The following URI1 variants were observed in gnomAD, a reference collection of about 807,000 sequenced individuals.
The protein encoded by URI1 is URI1 prefoldin like chaperone.
In URI1, 39 loss-of-function variants were observed where a neutral mutation model predicts 60.2. The ratio of observed to expected loss-of-function variants is 0.65; its 90% confidence interval spans 0.50 to 0.85. The LOEUF is 0.85. Ranked by LOEUF, URI1 falls within the 40% of genes least tolerant of loss-of-function variation. The pLI is 0.00. For synonymous variants in URI1, 251 were observed against 236.8 expected, an observed-to-expected ratio of 1.06 and a Z score of -0.55; for missense variants, 691 against 665.9, an observed-to-expected ratio of 1.04 and a Z score of -0.42.
At chr19:29,980,922 CAAAAAA>C (rs5827686) in intron 2 of URI1, among the ~76,000 whole-genome samples, 1 of 68,596 alleles carries the variant, frequency 1.5e-5, no homozygotes. Context: ...ACTCCATCTC[CAAAAAA>C]AAAAAAAAAA....
At chr19:29,989,298 A>C (rs1258785263) in intron 4 of URI1, among the ~76,000 whole-genome samples, 1 of 151,946 alleles carries the variant, frequency 6.6e-6, no homozygotes, top group African/African-American at 2.4e-5. Context: ...CTTTTAGTAG[A>C]GATGGGGTTT....
At chr19:29,950,774 A>G (rs550390107) in intron 1 of URI1, among the ~76,000 whole-genome samples, 1 of 152,332 alleles carries the variant, frequency 6.6e-6, no homozygotes, top group Non-Finnish European at 1.5e-5. Context: ...CTTTCAATGC[A>G]AGAGCCAATC....
At chr19:29,955,312 G>C (rs1043704411) in intron 1 of URI1, among the ~76,000 whole-genome samples, 7 of 151,998 alleles carry the variant, frequency 4.6e-5, no homozygotes, top group East Asian at 3.9e-4. Flanking sequence ...TGTGTCATCA[G>C]ATATTCAGCT....
At chr19:30,012,817 C>T (rs10401599) in intron 10 of URI1, 2,744 of 251,480 alleles carry the variant, frequency 0.011, 82 homozygotes, top group African/African-American at 0.058. Context: ...GAAATTATTT[C>T]GCAGTTTATT....
intron 1 of URI1, among the ~76,000 whole-genome samples, chr19:29,966,699 G>C (rs1300201301): frequency 6.6e-6 from 1 of 152,142 alleles, no homozygotes; most frequent in African/African-American, 2.4e-5. Flanking sequence ...TGTATGTCCA[G>C]TATCCATTGG....
At chr19:29,998,837 T>C (rs1193727288) in intron 4 of URI1, among the ~76,000 whole-genome samples, 1 of 152,108 alleles carries the variant, frequency 6.6e-6, no homozygotes, top group African/African-American at 2.4e-5. Context: ...GGAAAGACTT[T>C]CGCTGTTTTG....
At chr19:29,964,816 T>G (rs2055371513) in intron 1 of URI1, among the ~76,000 whole-genome samples, 1 of 151,946 alleles carries the variant, frequency 6.6e-6, no homozygotes, top group Admixed American at 6.6e-5. Context: ...TAAGATTGCT[T>G]TAATTTGACT....
intron 1 of URI1, among the ~76,000 whole-genome samples, chr19:29,929,197 C>A (rs927165311): frequency 1.3e-5 from 2 of 152,118 alleles, no homozygotes; most frequent in Non-Finnish European, 2.9e-5. Flanking sequence ...TAAGAAACTG[C>A]CAAACTGTCT....
At chr19:29,961,683 T>G (rs1251042841) in intron 1 of URI1, among the ~76,000 whole-genome samples, 1 of 150,204 alleles carries the variant, frequency 6.7e-6, no homozygotes, top group Admixed American at 6.6e-5. Context: ...TTGTTTTTTT[T>G]TTTTTTTGTT....
intron 1 of URI1, among the ~76,000 whole-genome samples, chr19:29,965,648 AAG>A (rs2055383125): frequency 6.6e-6 from 1 of 152,240 alleles, no homozygotes. Flanking sequence ...TCTCTAGTTC[AAG>A]TCACCCCCAA....
chr19:29,968,018 C>G (rs1047794174), intron 1 of URI1, among the ~76,000 whole-genome samples: 25 of 152,272 alleles, frequency 1.6e-4, no homozygotes, highest in Middle Eastern at 3.4e-3. Context: ...TTTGTAGCCA[C>G]TGGGTTGTTG....
chr19:29,962,170 T>C (rs335001), intron 1 of URI1, among the ~76,000 whole-genome samples: 151 of 152,244 alleles, frequency 9.9e-4, no homozygotes, highest in African/African-American at 3.3e-3. Flanking sequence ...TTGGCTGTTT[T>C]TGTTTTCTGT....
chr19:30,012,059 ATAAC>A (rs996504342), intron 9 of URI1, among the ~76,000 whole-genome samples: 4 of 152,204 alleles, frequency 2.6e-5, no homozygotes, highest in African/African-American at 7.2e-5. Flanking sequence ...AAATAAATAA[ATAAC>A]ATGCTGTGTT....
intron 2 of URI1, among the ~76,000 whole-genome samples, chr19:29,977,735 G>A (rs573066210): frequency 1.3e-5 from 2 of 151,766 alleles, no homozygotes; most frequent in African/African-American, 4.8e-5. Flanking sequence ...TTTAAAAAAT[G>A]GTGTGAGTTA....
At position 29,975,288 on chromosome 19, in the gene URI1, A is replaced by T. The variant is rs192810611; in HGVS notation, c.152+4061A>T. On this transcript the variant is annotated intron_variant, in intron 2 of 10. Coordinates refer to ENST00000392271, the MANE Select transcript of URI1 (RefSeq NM_003796.3). ...TTTGCCTATCCCATCTCCAGTTTTG[A>T]AATGAATCTAAGCCGTATCATTCCA... 5.2e-4 allele frequency among the ~76,000 whole-genome samples: 79 copies of T among 152,240 alleles called. 1 individual carries two copies. Among genetic ancestry groups the T allele is most frequent in the Admixed American group, 2.0e-3 (30 of 15,294 alleles).
intron 4 of URI1, among the ~76,000 whole-genome samples, chr19:29,988,364 G>A (rs1432282152): frequency 6.6e-6 from 1 of 152,060 alleles, no homozygotes; most frequent in African/African-American, 2.4e-5. Context: ...ATTGGGGAAG[G>A]TCTGAGTTAC....
intron 1 of URI1, among the ~76,000 whole-genome samples, chr19:29,946,216 T>C (rs2145235127): frequency 6.6e-6 from 1 of 152,330 alleles, no homozygotes; most frequent in Admixed American, 6.5e-5. Context: ...GCTTAACCTG[T>C]CTAGACTGTG....
In URI1 at chr19:29,995,440, G is replaced by A. The variant is rs1456189203; in HGVS notation, c.367+9023G>A. Among the ~76,000 whole-genome samples the A allele has an allele frequency of 5.3e-5, 8 of 151,414 alleles. No homozygotes were observed. In the South Asian group the frequency reaches 1.3e-3, roughly 24 times the overall value. ...GGTTGTTTGTTTTTCTTGTTCAGTT[G>A]TAGTTCTTTATATATTCTGGATATT... On this transcript the variant is annotated intron_variant, in intron 4 of 10. Coordinates refer to ENST00000392271, the MANE Select transcript of URI1 (RefSeq NM_003796.3).
chr19:29,961,459 T>TCGTC (rs952344915), intron 1 of URI1, among the ~76,000 whole-genome samples: 6 of 152,122 alleles, frequency 3.9e-5, no homozygotes, highest in Non-Finnish European at 7.4e-5. Flanking sequence ...GTCTCAAGGT[T>TCGTC]CGTCCACGTT....
Sources: gnomAD v4.1 joint callset for allele counts (sites outside exome capture counted in the v4.1 genomes callset) on GRCh38, gnomAD v4.1.1 for gene constraint, MANE v1.5 for transcripts, NCBI Gene and HGNC (gene_info 2026-07-23, HGNC 2026-07-21) for gene names.